The following MMAA variants were observed in gnomAD, a reference collection of about 807,000 sequenced individuals.
The protein encoded by MMAA is methylmalonic aciduria type A protein, mitochondrial.
In MMAA, 41 loss-of-function variants were observed where a neutral mutation model predicts 45.0. That is an observed-to-expected ratio of 0.91 (90% CI 0.71 to 1.18). The LOEUF (loss-of-function observed/expected upper bound fraction) is 1.18. MMAA is among the 50% of genes most tolerant of loss of function. MMAA has a pLI of 0.00. For missense variants in MMAA, 460 were observed against 495.7 expected, an observed-to-expected ratio of 0.93 and a Z score of 0.68; for synonymous variants, 154 against 178.2, an observed-to-expected ratio of 0.86 and a Z score of 1.08.
chr4:145,644,174 A>T (rs562209384), intron 3 of MMAA, among the ~76,000 whole-genome samples: 1 of 152,284 alleles, frequency 6.6e-6, no homozygotes, highest in East Asian at 1.9e-4. Flanking sequence ...ACAGTTTTGG[A>T]ATTTCTGGCT....
chr4:145,649,160 T>C (rs922830150), intron 4 of MMAA, among the ~76,000 whole-genome samples: 1 of 150,506 alleles, frequency 6.6e-6, no homozygotes, highest in Non-Finnish European at 1.5e-5. Flanking sequence ...TAGCCAGGCA[T>C]TGTGTTACAC....
intron 1 of MMAA, among the ~76,000 whole-genome samples, chr4:145,632,616 C>G (rs1727480141): frequency 6.6e-6 from 1 of 152,140 alleles, no homozygotes; most frequent in African/African-American, 2.4e-5. Context: ...TTCCTCTTTT[C>G]CTCTTTAAGG....
intron 4 of MMAA, among the ~76,000 whole-genome samples, chr4:145,648,149 T>TC (rs1207211526): frequency 7.2e-6 from 1 of 137,980 alleles, no homozygotes; most frequent in Non-Finnish European, 1.6e-5. Flanking sequence ...TGCCTGGCCT[T>TC]TTTTTTTTTT....
chr4:145,645,660 A>G (rs143352178), intron 3 of MMAA, among the ~76,000 whole-genome samples: 189 of 152,302 alleles, frequency 1.2e-3, no homozygotes, highest in African/African-American at 4.2e-3. Context: ...TGATGTTAAG[A>G]TGACAGTAAA....
In MMAA at chr4:145,619,414, A is replaced by T. The variant is rs1330391056; in HGVS notation, c.-66+7A>T. ...CTTCCGTGGCTTCGGGCGGGTGAGT[A>T]TGGGGAGTGCGCGCGGCGTCCAGGA... is the stretch of plus-strand genomic sequence containing the variant. On this transcript the variant is annotated splice_region_variant and intron_variant, in intron 1 of 6. Coordinates refer to ENST00000649156, the MANE Select transcript of MMAA (RefSeq NM_172250.3). The T allele has an allele frequency of 1.3e-5, 2 of 152,174 alleles. No homozygotes were observed. Among genetic ancestry groups the T allele is most frequent in the Non-Finnish European group, 2.9e-5 (2 of 68,058 alleles). 9.4% of individuals were successfully genotyped at this position (152,174 alleles called of 1,614,324 possible).
intron 1 of MMAA, chr4:145,625,010 A>G (rs1172548882): frequency 2.7e-5 from 25 of 933,752 alleles, no homozygotes; most frequent in Non-Finnish European, 4.4e-5. Flanking sequence ...CCAATCATTC[A>G]TATTATAGGA....
chr4:145,629,133 T>G (rs926511572), intron 1 of MMAA, among the ~76,000 whole-genome samples: 1 of 152,200 alleles, frequency 6.6e-6, no homozygotes, highest in Non-Finnish European at 1.5e-5. Context: ...TATATATATA[T>G]TTTTTGTTTT....
intron 5 of MMAA, among the ~76,000 whole-genome samples, chr4:145,652,280 G>C (rs1457365649): frequency 6.6e-6 from 1 of 152,094 alleles, no homozygotes; most frequent in Non-Finnish European, 1.5e-5. Flanking sequence ...CATTATGTAG[G>C]CATGATTGAC....
intron 1 of MMAA, chr4:145,624,613 C>A (rs1734160325): frequency 7.4e-7 from 1 of 1,348,766 alleles, no homozygotes; most frequent in Non-Finnish European, 1.0e-6. Flanking sequence ...TGCTTTAGTT[C>A]TATTACTTCT....
intron 1 of MMAA, chr4:145,625,542 T>G (rs1578868814): frequency 2.7e-6 from 2 of 751,624 alleles, no homozygotes; most frequent in East Asian, 5.1e-5. Flanking sequence ...AGCCATCAAG[T>G]GCTCAGAAAT....
chr4:145,646,451 G>T, intron 4 of MMAA: 1 of 346,488 alleles, frequency 2.9e-6, no homozygotes, highest in South Asian at 3.2e-5. Flanking sequence ...ATGATGCTTT[G>T]GCACAACACC....
chr4:145,629,069 A>T (rs1020781043), intron 1 of MMAA, among the ~76,000 whole-genome samples: 4 of 152,166 alleles, frequency 2.6e-5, no homozygotes, highest in Non-Finnish European at 4.4e-5. Context: ...TGAAATGCTC[A>T]TATGGTTTTT....
At chr4:145,620,251 A>G (rs1734063436) in intron 1 of MMAA, among the ~76,000 whole-genome samples, 1 of 152,224 alleles carries the variant, frequency 6.6e-6, no homozygotes, top group Non-Finnish European at 1.5e-5. Flanking sequence ...AAAGACAAGG[A>G]CAGGTTTTTT....
In MMAA at chr4:145,655,252, C is replaced by T. The variant is rs999844958; in HGVS notation, c.1075C>T (p.Arg359Ter). 1.5e-5 allele frequency: 25 copies of T among 1,613,958 alleles called. No homozygotes were observed. Among genetic ancestry groups the T allele is most frequent in the South Asian group, 2.2e-5 (2 of 91,082 alleles). ...MLASGELTAK[R>*]RKQQKVWMWN... ...TGCCAGTGGGGAGCTGACTGCCAAA[C>T]GACGGAAGCAACAGAAAGTTTGGAT... The change falls in exon 7 of 7, where the codon CGA becomes TGA. Residue 359 changes from arginine (R) to a stop codon, truncating the protein, a stop_gained. Transcript: ENST00000649156. LOFTEE classifies it high-confidence loss of function.
chr4:145,655,414 G>A lies in MMAA; in HGVS notation c.1237G>A (p.Ala413Thr). ...ACTAGCAGCAGACTTCTTGTTAAAA[G>A]CTTTTAAAAGCAGAGACTAATAAAA... Reference protein sequence around the residue: ...PGLAADFLLKAFKSRD With the variant: ...PGLAADFLLKTFKSRD Residue 413 changes from alanine (A) to threonine (T), a missense_variant, in exon 7 of 7, where the codon GCT becomes ACT. Coordinates refer to ENST00000649156, the MANE Select transcript of MMAA (RefSeq NM_172250.3). 2 of 1,611,466 alleles carry A rather than the reference G, an allele frequency of 1.2e-6. No homozygotes were observed. The highest frequency in any genetic ancestry group is 1.7e-6 in the Non-Finnish European group (2 of 1,179,216).
intron 1 of MMAA, among the ~76,000 whole-genome samples, chr4:145,621,054 T>C (rs1400032580): frequency 6.6e-6 from 1 of 152,172 alleles, no homozygotes; most frequent in Non-Finnish European, 1.5e-5. Flanking sequence ...AAAGGAGGAC[T>C]GAGGAGGGAG....
intron 4 of MMAA, among the ~76,000 whole-genome samples, chr4:145,649,934 C>T (rs962879840): frequency 6.6e-6 from 1 of 152,112 alleles, no homozygotes. Flanking sequence ...TACCACCATG[C>T]CCAGCTAATT....
chr4:145,646,101 A>G lies in MMAA; in HGVS notation c.678A>G (p.Glu226=). ...TLGGVTRTTN[E]AILLCEGAGY... The stretch of plus-strand genomic sequence containing the variant: ...GAGGCGTGACAAGGACCACAAATGA[A>G]GCTATTCTGTTGTGTGAAGGAGCGG... Residue 226 remains glutamate (E), a synonymous_variant, in exon 4 of 7, where the codon GAA becomes GAG. Transcript: ENST00000649156. The G allele has an allele frequency of 6.2e-7, 1 of 1,614,108 alleles. No individual in the cohort carries two copies. Among genetic ancestry groups the G allele is most frequent in the Non-Finnish European group, 8.5e-7 (1 of 1,179,978 alleles).
In MMAA at chr4:145,659,957, T is replaced by A. The variant is rs1001133765; in HGVS notation, c.*4523T>A. ...TTGTACCCATTGACCCCCCTTCCCTTCCTTCCACTCTCCCCTCCCCAGTCT... is the reference window on the plus strand; with the variant it reads ...TTGTACCCATTGACCCCCCTTCCCTACCTTCCACTCTCCCCTCCCCAGTCT... On this transcript the variant is annotated 3_prime_UTR_variant, in exon 7 of 7. Coordinates refer to ENST00000649156, the MANE Select transcript of MMAA (RefSeq NM_172250.3). The A allele has an allele frequency of 6.6e-6, 1 of 152,084 alleles. No individual in the cohort carries two copies. The highest frequency in any genetic ancestry group is 2.4e-5 in the African/African-American group (1 of 41,400). The allele number at this position is 152,084 out of a possible 1,614,324, so 9.4% of individuals were successfully genotyped here. A position where few individuals can be genotyped will look rare whatever the true frequency, so the allele number is the denominator to read the frequency against.
Sources: allele counts gnomAD v4.1 joint callset (sites outside exome capture counted in the v4.1 genomes callset), GRCh38; gene constraint gnomAD v4.1.1; transcripts MANE v1.5; gene names NCBI Gene and HGNC (gene_info 2026-07-23, HGNC 2026-07-21).